Variants in PPP2R2C observed in about 807,000 individuals in gnomAD.
The protein encoded by PPP2R2C is protein phosphatase 2, regulatory subunit B, gamma.
A neutral mutation model predicts 45.3 loss-of-function variants in PPP2R2C; 10 were observed. The observed-to-expected ratio is 0.22, with a 90% CI of 0.14 to 0.37. PPP2R2C has a LOEUF of 0.37. Ranked by LOEUF, PPP2R2C falls within the 10% of genes least tolerant of loss-of-function variation. The pLI is 1.00. For synonymous variants in PPP2R2C, 257 were observed against 245.4 expected (o/e 1.05, Z -0.44); for missense variants, 308 against 619.7 (o/e 0.50, Z 5.34).
At chr4:6,440,432 A>G (rs1206254042) in intron 1 of PPP2R2C, among the ~76,000 whole-genome samples, 1 of 152,098 alleles carries the variant, frequency 6.6e-6, no homozygotes, top group Non-Finnish European at 1.5e-5. Flanking sequence ...GGGGCCAACA[A>G]CTCACAGGGC....
intron 6 of PPP2R2C, among the ~76,000 whole-genome samples, chr4:6,340,048 T>G (rs543819058): frequency 6.6e-6 from 1 of 152,116 alleles, no homozygotes; most frequent in Non-Finnish European, 1.5e-5. Context: ...CTGTACACAG[T>G]GGGGAGGGAG....
At chr4:6,557,434 G>C (rs1311162759) in intron 1 of PPP2R2C, among the ~76,000 whole-genome samples, 1 of 152,198 alleles carries the variant, frequency 6.6e-6, no homozygotes, top group Non-Finnish European at 1.5e-5. Flanking sequence ...TGGACCCGGA[G>C]TACAGTGATG....
At chr4:6,390,391 G>A (rs1716526847) in intron 1 of PPP2R2C, among the ~76,000 whole-genome samples, 1 of 152,196 alleles carries the variant, frequency 6.6e-6, no homozygotes, top group Non-Finnish European at 1.5e-5. Flanking sequence ...GTGAGCAGCT[G>A]TAATCACCCA....
intron 1 of PPP2R2C, among the ~76,000 whole-genome samples, chr4:6,387,457 G>A (rs957380332): frequency 1.2e-4 from 18 of 152,172 alleles, no homozygotes; most frequent in Admixed American, 8.5e-4. Flanking sequence ...TTAATGTGCC[G>A]AAAGAAAATG....
chr4:6,469,565 T>A (rs1485912983), intron 1 of PPP2R2C, among the ~76,000 whole-genome samples: 1 of 152,218 alleles, frequency 6.6e-6, no homozygotes, highest in East Asian at 1.9e-4. Context: ...TGGGCACTTT[T>A]GATATTAGCA....
At position 6,332,750 on chromosome 4, in the gene PPP2R2C, G is replaced by C. The variant is rs1048516530; in HGVS notation, c.960+812C>G. 4.6e-5 allele frequency among the ~76,000 whole-genome samples: 7 copies of C among 152,168 alleles called. No individual in the cohort carries two copies. Among genetic ancestry groups the C allele is most frequent in the African/African-American group, 1.7e-4 (7 of 41,426 alleles). ...CGGACAGTAAAGAATGGAGGTGACAGATGTCAAGCACGTGGCACCCCATGT... is the reference window on the plus strand; with the variant it reads ...CGGACAGTAAAGAATGGAGGTGACACATGTCAAGCACGTGGCACCCCATGT... On this transcript the variant is annotated intron_variant, in intron 7 of 8. Coordinates refer to ENST00000382599, the MANE Select transcript of PPP2R2C (RefSeq NM_020416.4). This position sits in a 1 kb window ranked among gnomAD's most constrained non-coding sequence, Gnocchi z 4.9.
At chr4:6,486,102 C>T (rs57284572) in intron 2 of PPP2R2C, among the ~76,000 whole-genome samples, 4,517 of 152,040 alleles carry the variant, frequency 0.03, 227 homozygotes, top group African/African-American at 0.1. Context: ...TATTCATTCA[C>T]GTAAAAATAC....
rs908760837 is a variant in PPP2R2C, at chr4:6,502,237, C to T, written c.49+33034G>A. Among the ~76,000 whole-genome samples, 3 of 152,148 alleles carry T rather than the reference C, an allele frequency of 2.0e-5. No individual in the cohort carries two copies. In the South Asian group the frequency reaches 6.2e-4, roughly 32 times the overall value. On this transcript the variant is annotated intron_variant, in intron 2 of 9. Transcript: ENST00000506140. Reference sequence around the variant, plus strand: ...GCTATGCTTCTTGGTCACTGGGGACCGTCAAGCCAAGCCACAACTGAGCCT... The same window carrying T: ...GCTATGCTTCTTGGTCACTGGGGACTGTCAAGCCAAGCCACAACTGAGCCT...
intron 1 of PPP2R2C, among the ~76,000 whole-genome samples, chr4:6,409,653 C>T (rs936883985): frequency 6.6e-6 from 1 of 152,182 alleles, no homozygotes; most frequent in African/African-American, 2.4e-5. Context: ...ACAGCTGAGA[C>T]TCCCTGTGAC....
At chr4:6,512,774 A>G (rs1205518788) in intron 2 of PPP2R2C, among the ~76,000 whole-genome samples, 1 of 151,882 alleles carries the variant, frequency 6.6e-6, no homozygotes, top group Non-Finnish European at 1.5e-5. Flanking sequence ...CAGGGTCTGC[A>G]CAATGATATA....
At chr4:6,472,703 C>T (rs2108771948), upstream of PPP2R2C, among the ~76,000 whole-genome samples, 1 of 151,608 alleles carries the variant, frequency 6.6e-6, no homozygotes, top group South Asian at 2.1e-4. Context: ...GCAGGTGGAG[C>T]CGGCGCCCAA....
intron 5 of PPP2R2C, chr4:6,350,817 G>A (rs184656949): frequency 3.0e-6 from 3 of 985,242 alleles, no homozygotes; most frequent in Non-Finnish European, 3.6e-6. Flanking sequence ...TGTTCCCTCC[G>A]CAATGAGATC....
intron 1 of PPP2R2C, among the ~76,000 whole-genome samples, chr4:6,407,316 A>G (rs531172302): frequency 6.6e-6 from 1 of 152,378 alleles, no homozygotes; most frequent in Non-Finnish European, 1.5e-5. Flanking sequence ...GAAACAGGAC[A>G]CAAGTCAGGA....
intron 1 of PPP2R2C, among the ~76,000 whole-genome samples, chr4:6,425,191 C>A (rs1291314192): frequency 3.3e-5 from 5 of 152,196 alleles, no homozygotes; most frequent in Non-Finnish European, 7.3e-5. Flanking sequence ...GCCAGCACAG[C>A]TCCCTGTCCC....
At chr4:6,494,207 G>A (rs560875946) in intron 2 of PPP2R2C, among the ~76,000 whole-genome samples, 2 of 152,170 alleles carry the variant, frequency 1.3e-5, no homozygotes, top group African/African-American at 4.8e-5. Flanking sequence ...CAGCCAGGGG[G>A]CCCATACCAG....
Position 6,472,338 on chromosome 4 carries a change from C to A in PPP2R2C, c.-109G>T. 7.7e-7 allele frequency: 1 copy of A among 1,303,996 alleles called. No individual in the cohort carries two copies. The highest frequency in any genetic ancestry group is 9.8e-7 in the Non-Finnish European group (1 of 1,023,884). The allele number at this position is 1,303,996 out of a possible 1,614,324, so 80.8% of individuals were successfully genotyped here. The stretch of plus-strand genomic sequence containing the variant: ...ATGCCGCCGCAGCCTAGCAGGGGCG[C>A]GGGCCGCCGGGGCCCCGAAGGGAGG... On this transcript the variant is annotated 5_prime_UTR_variant, in exon 1 of 9. Coordinates refer to ENST00000382599, the MANE Select transcript of PPP2R2C (RefSeq NM_020416.4).
intron 1 of PPP2R2C, among the ~76,000 whole-genome samples, chr4:6,460,625 TA>T (rs557346975): frequency 6.6e-6 from 1 of 152,102 alleles, no homozygotes; most frequent in South Asian, 2.1e-4. Flanking sequence ...TTTCAGTGAA[TA>T]AAAAAATGTA....
At chr4:6,424,536 G>T (rs984312369) in intron 1 of PPP2R2C, among the ~76,000 whole-genome samples, 1 of 152,186 alleles carries the variant, frequency 6.6e-6, no homozygotes, top group African/African-American at 2.4e-5. Flanking sequence ...CAGAGCTGGG[G>T]AGACCTGTGG....
chr4:6,323,724 C>T (rs1401739163), intron 8 of PPP2R2C, 131 bp from the exon 9 acceptor site: 1 of 974,138 alleles, frequency 1.0e-6, no homozygotes, highest in African/African-American at 1.7e-5. Context: ...TTGCTTCAGC[C>T]TAGGAGTTCA....
Sources: gnomAD v4.1 joint callset for allele counts (sites outside exome capture counted in the v4.1 genomes callset) on GRCh38, gnomAD v4.1.1 for gene constraint, Gnocchi (gnomAD v3.1) non-coding constraint, MANE v1.5 for transcripts, NCBI Gene and HGNC (gene_info 2026-07-23, HGNC 2026-07-21) for gene names.